SLC6A2: variants seen among roughly 807,000 people sequenced by gnomAD.
SLC6A2 encodes solute carrier family 6 member 2.
In SLC6A2, 26 loss-of-function variants were observed where a neutral mutation model predicts 71.7. The observed-to-expected ratio is 0.36, with a 90% confidence interval of 0.27 to 0.50. The LOEUF (loss-of-function observed/expected upper bound fraction) is 0.50. Among genes scored for constraint, SLC6A2 ranks in the 20% least tolerant of loss-of-function variants. The pLI is 0.96. For synonymous variants in SLC6A2, 363 were observed against 337.9 expected (o/e 1.07, Z -0.82); for missense variants, 581 against 803.9 (o/e 0.72, Z 3.35).
chr16:55,680,845 T>C (rs1329593579), intron 4 of SLC6A2, among the ~76,000 whole-genome samples: 2 of 152,190 alleles, frequency 1.3e-5, no homozygotes, highest in East Asian at 1.9e-4. Context: ...GGGAAGATGA[T>C]GCAGGGTGAG....
chr16:55,697,825 A>G (rs1384102450), intron 9 of SLC6A2, 72 bp from the exon 10 acceptor site: 2 of 1,576,682 alleles, frequency 1.3e-6, no homozygotes, highest in East Asian at 4.5e-5. Context: ...AGGCTCTAGG[A>G]ACCCTGGGGC....
rs1295794811 is a variant in SLC6A2 at position 55,704,346 on chromosome 16, T to G, written c.*2000T>G. 6.6e-6 allele frequency: 1 copy of G among 152,158 alleles called. No individual in the cohort carries two copies. The highest frequency in any genetic ancestry group is 2.4e-5 in the African/African-American group (1 of 41,426). The allele number at this position is 152,158 out of a possible 1,614,324, so 9.4% of individuals were successfully genotyped here. A position where few individuals can be genotyped will look rare whatever the true frequency, so the allele number is the denominator to read the frequency against. On this transcript the variant is annotated 3_prime_UTR_variant, in exon 15 of 15. Coordinates refer to ENST00000568943, the MANE Select transcript of SLC6A2 (RefSeq NM_001172501.3). ...GTTTTTTAGCAACTAACAGATCGAG[T>G]TGGGCCTTCAATTCACATCCACTGA...
intron 2 of SLC6A2, among the ~76,000 whole-genome samples, chr16:55,666,319 G>A (rs778088147): frequency 4.6e-5 from 7 of 152,176 alleles, no homozygotes; most frequent in South Asian, 2.1e-4. Flanking sequence ...AACCAGCCTC[G>A]GTTTCCAGAG....
chr16:55,678,284 A>G lies in SLC6A2; in HGVS notation c.644+6109A>G, dbSNP rs534416773. Among the ~76,000 whole-genome samples the G allele has an allele frequency of 7.5e-4, 111 of 148,934 alleles. 1 individual carries two copies. The highest frequency in any genetic ancestry group is 2.4e-3 in the African/African-American group (99 of 40,480). ...AGCCTGCCTCTGTGCTTTGTAATGC[A>G]CAGCACTGTCATCAGCTGCCTCTGG... On this transcript the variant is annotated intron_variant, in intron 4 of 14. Coordinates refer to ENST00000568943, the MANE Select transcript of SLC6A2 (RefSeq NM_001172501.3).
intron 3 of SLC6A2, 85 bp from the exon 4 acceptor site, chr16:55,671,853 G>A (rs1422521854): frequency 6.3e-7 from 1 of 1,598,190 alleles, no homozygotes. Flanking sequence ...GGGAATGGGA[G>A]TGCAGTGGTG....
At position 55,656,867 on chromosome 16, in the gene SLC6A2, C is replaced by A. The variant is rs1964468840; in HGVS notation, c.173C>A (p.Thr58Asn). Reference protein sequence around the residue: ...PRDGDAQPRETWGKKIDFLLS... With the variant: ...PRDGDAQPRENWGKKIDFLLS... ...GACGGCGACGCGCAGCCCCGGGAGACCTGGGGCAAGAAGATCGACTTCCTG... is the reference window on the plus strand; with the variant it reads ...GACGGCGACGCGCAGCCCCGGGAGAACTGGGGCAAGAAGATCGACTTCCTG... Residue 58 changes from threonine to asparagine, a missense_variant, in exon 2 of 15, where the codon ACC becomes AAC. Thr to Asn is a moderately conservative substitution (Grantham distance 65). Coordinates refer to ENST00000568943, the MANE Select transcript of SLC6A2 (RefSeq NM_001172501.3). The surrounding 1 kb of genome is among the most constrained non-coding windows in gnomAD (Gnocchi z 4.5). The A allele has an allele frequency of 1.2e-6, 2 of 1,613,942 alleles. No individual in the cohort carries two copies. The highest frequency in any genetic ancestry group is 4.5e-5 in the East Asian group (2 of 44,836).
chr16:55,671,640 C>G (rs558195546), intron 3 of SLC6A2: 1 of 573,634 alleles, frequency 1.7e-6, no homozygotes, highest in Non-Finnish European at 3.1e-6. Flanking sequence ...GGAGCGCAAC[C>G]CCTACTGTGA....
chr16:55,682,807 G>A (rs1270399289), intron 4 of SLC6A2, among the ~76,000 whole-genome samples: 1 of 152,184 alleles, frequency 6.6e-6, no homozygotes, highest in Non-Finnish European at 1.5e-5. Context: ...GCCTCTGAGT[G>A]TGAGGCACAG....
chr16:55,666,825 C>T (rs1347432699), intron 2 of SLC6A2, among the ~76,000 whole-genome samples: 4 of 152,190 alleles, frequency 2.6e-5, no homozygotes, highest in Admixed American at 2.0e-4. Context: ...TGCTTTTCCC[C>T]TTCCTTGGCC....
intron 9 of SLC6A2, among the ~76,000 whole-genome samples, chr16:55,697,625 G>A (rs977866606): frequency 6.6e-6 from 1 of 152,224 alleles, no homozygotes; most frequent in Non-Finnish European, 1.5e-5. Flanking sequence ...GGCTGAGTGA[G>A]TGTCAGGAGA....
At chr16:55,693,882 A>G in intron 6 of SLC6A2, 128 bp from the exon 7 acceptor site, 11 of 769,346 alleles carry the variant, frequency 1.4e-5, no homozygotes, top group Non-Finnish European at 2.6e-5. Flanking sequence ...AGGGCTGCCC[A>G]TCTCTGGTTC....
Position 55,706,028 on chromosome 16 carries a change from C to G in SLC6A2, c.*3682C>G, listed in dbSNP as rs144068407. 2 of 152,404 alleles carry G rather than the reference C, an allele frequency of 1.3e-5. No homozygotes were observed. Among genetic ancestry groups the G allele is most frequent in the Non-Finnish European group, 2.9e-5 (2 of 68,074 alleles). The allele number at this position is 152,404 out of a possible 1,614,324, so 9.4% of individuals were successfully genotyped here. ...GGGGTGCCTGCCCTCATCCCTCTGTCTCTCTGCTTCCGTGTAAATAAAGAC... is the reference window on the plus strand; with the variant it reads ...GGGGTGCCTGCCCTCATCCCTCTGTGTCTCTGCTTCCGTGTAAATAAAGAC... On this transcript the variant is annotated 3_prime_UTR_variant, in exon 15 of 15. Coordinates refer to ENST00000568943, the MANE Select transcript of SLC6A2 (RefSeq NM_001172501.3).
intron 9 of SLC6A2, among the ~76,000 whole-genome samples, chr16:55,697,005 G>A (rs918777506): frequency 1.3e-5 from 2 of 152,058 alleles, no homozygotes; most frequent in Non-Finnish European, 2.9e-5. Context: ...AAACCCAAAC[G>A]AACAAACAAA....
At chr16:55,658,814 C>T (rs1964530863) in intron 2 of SLC6A2, among the ~76,000 whole-genome samples, 1 of 152,112 alleles carries the variant, frequency 6.6e-6, no homozygotes, top group African/African-American at 2.4e-5. Context: ...GTGTCTGGCC[C>T]TGGGATGGTC....
chr16:55,665,839 T>C (rs1246443763), intron 2 of SLC6A2, among the ~76,000 whole-genome samples: 1 of 152,208 alleles, frequency 6.6e-6, no homozygotes, highest in Non-Finnish European at 1.5e-5. Flanking sequence ...AGTTTCTCTC[T>C]AACAGTGGGA....
In SLC6A2 at chr16:55,703,264, C is replaced by T; in HGVS notation, c.*918C>T. ...CCAAGTGAGGCCTCATGTGTGTCTT[C>T]ACCGTGCTGTCCTCACAAGGCCAGG... On this transcript the variant is annotated 3_prime_UTR_variant, in exon 15 of 15. Transcript: ENST00000568943. 2.0e-6 allele frequency: 2 copies of T among 985,128 alleles called. No homozygotes were observed. Among genetic ancestry groups the T allele is most frequent in the South Asian group, 4.8e-5 (1 of 20,966 alleles). The allele number at this position is 985,128 out of a possible 1,614,324, so 61.0% of individuals were successfully genotyped here. A position where few individuals can be genotyped will look rare whatever the true frequency, so the allele number is the denominator to read the frequency against.
At chr16:55,681,166 A>G (rs1469461862) in intron 4 of SLC6A2, among the ~76,000 whole-genome samples, 2 of 152,172 alleles carry the variant, frequency 1.3e-5, no homozygotes, top group East Asian at 3.9e-4. Flanking sequence ...ACTCAAACAT[A>G]ATGATCATTA....
Position 55,700,161 on chromosome 16 carries a change from T to A in SLC6A2, c.1613T>A (p.Ile538Asn). The part of the protein sequence containing the change: ...FLLFVVVVSI[I>N]NFKPLTYDDY... ...TAGTTCGTGGTTGTGGTCAGCATCA[T>A]CAACTTCAAGCCACTCACCTACGAC... The change falls in exon 13 of 15, where the codon ATC (isoleucine) becomes AAC (asparagine). Residue 538 changes from isoleucine to asparagine, a missense_variant. Coordinates refer to ENST00000568943, the MANE Select transcript of SLC6A2 (RefSeq NM_001172501.3). 1 of 1,614,120 alleles carries A rather than the reference T, an allele frequency of 6.2e-7. No individual in the cohort carries two copies. The highest frequency in any genetic ancestry group is 8.5e-7 in the Non-Finnish European group (1 of 1,180,016).
chr16:55,699,392 A>G (rs528834516), intron 11 of SLC6A2, among the ~76,000 whole-genome samples, 162 bp from the exon 12 acceptor site: 1 of 152,162 alleles, frequency 6.6e-6, no homozygotes, highest in Non-Finnish European at 1.5e-5. Flanking sequence ...CCTCTCCCTC[A>G]TTCTGCATTA....
Sources: gnomAD v4.1 joint callset for allele counts (sites outside exome capture counted in the v4.1 genomes callset) on GRCh38, gnomAD v4.1.1 for gene constraint, Gnocchi (gnomAD v3.1) non-coding constraint, MANE v1.5 for transcripts, NCBI Gene and HGNC (gene_info 2026-07-23, HGNC 2026-07-21) for gene names.